Variants in GSK3B observed in about 807,000 individuals in gnomAD.
The protein encoded by GSK3B is glycogen synthase kinase-3 beta.
A neutral mutation model predicts 56.4 loss-of-function variants in GSK3B; 15 were observed. The ratio of observed to expected loss-of-function variants is 0.27; its 90% CI spans 0.18 to 0.41. The LOEUF is 0.41. GSK3B is among the 10% of genes least tolerant of loss of function. GSK3B has a pLI of 1.00. For synonymous variants in GSK3B, 181 were observed against 188.9 expected, an observed-to-expected ratio of 0.96 and a Z score of 0.34; for missense variants, 300 against 513.4, an observed-to-expected ratio of 0.58 and a Z score of 4.02.
At chr3:119,884,185 C>A (rs1001709644) in intron 7 of GSK3B, among the ~76,000 whole-genome samples, 1 of 152,134 alleles carries the variant, frequency 6.6e-6, no homozygotes, top group Non-Finnish European at 1.5e-5. Context: ...ACCATGGGGG[C>A]AAAGGAAGGC....
chr3:119,939,270 A>G (rs144374997), intron 3 of GSK3B, among the ~76,000 whole-genome samples: 3 of 152,306 alleles, frequency 2.0e-5, no homozygotes, highest in African/African-American at 7.2e-5. Flanking sequence ...GGGCAAGGCT[A>G]GAACATAGAT....
At chr3:120,032,114 A>AT in intron 1 of GSK3B, among the ~76,000 whole-genome samples, 1 of 152,294 alleles carries the variant, frequency 6.6e-6, no homozygotes, top group East Asian at 1.9e-4. Context: ...CTCAATAATG[A>AT]TTTTTATAAG....
intron 1 of GSK3B, among the ~76,000 whole-genome samples, chr3:120,092,804 A>G (rs1344219412): frequency 6.6e-6 from 1 of 152,252 alleles, no homozygotes; most frequent in Non-Finnish European, 1.5e-5. Flanking sequence ...GAGGAAGTTC[A>G]TCCACAGATT....
intron 1 of GSK3B, among the ~76,000 whole-genome samples, chr3:120,046,602 T>G (rs1447784281): frequency 6.6e-6 from 1 of 152,162 alleles, no homozygotes; most frequent in Non-Finnish European, 1.5e-5. Context: ...AATTTTAATT[T>G]AATTTTATTT....
chr3:120,089,099 C>T (rs1025806407), intron 1 of GSK3B, among the ~76,000 whole-genome samples: 7 of 152,284 alleles, frequency 4.6e-5, no homozygotes, highest in Admixed American at 3.3e-4. Flanking sequence ...CACAGTAAAG[C>T]GTGCAAGTAC....
At chr3:119,947,625 G>A (rs2057112950) in intron 2 of GSK3B, among the ~76,000 whole-genome samples, 1 of 151,954 alleles carries the variant, frequency 6.6e-6, no homozygotes. Flanking sequence ...TAAGAATATG[G>A]TAATAAGAAT....
intron 8 of GSK3B, among the ~76,000 whole-genome samples, chr3:119,871,221 G>A (rs1310173480): frequency 6.6e-6 from 1 of 152,174 alleles, no homozygotes; most frequent in Admixed American, 6.5e-5. Context: ...GAAATGACCT[G>A]AGAATTCAAT....
In GSK3B at chr3:119,997,955, T is replaced by G. The variant is rs149018603; in HGVS notation, c.282+4091A>C. 7.6e-3 allele frequency among the ~76,000 whole-genome samples: 1,158 copies of G among 152,046 alleles called. 5 individuals are homozygous for G. The highest frequency in any genetic ancestry group is 0.012 in the Non-Finnish European group (838 of 67,964). The stretch of plus-strand genomic sequence containing the variant: ...ATCCCAAAATATAACCCCAGAAAAA[T>G]TAAAGAAATATGTGAAAATAAAATT... On this transcript the variant is annotated intron_variant, in intron 2 of 10. Coordinates refer to ENST00000264235, the MANE Select transcript of GSK3B (RefSeq NM_001146156.2).
chr3:120,032,423 C>T (rs1008305731), intron 1 of GSK3B, among the ~76,000 whole-genome samples: 3 of 151,482 alleles, frequency 2.0e-5, no homozygotes, highest in Non-Finnish European at 4.4e-5. Flanking sequence ...TGCAGTGAGC[C>T]GAGATTGTGC....
chr3:120,063,677 G>A lies in GSK3B; in HGVS notation c.88+29670C>T, dbSNP rs575247492. Among the ~76,000 whole-genome samples the A allele has an allele frequency of 3.3e-4, 49 of 147,542 alleles. 1 individual carries two copies. Among genetic ancestry groups the A allele is most frequent in the Non-Finnish European group, 4.0e-4 (27 of 67,544 alleles). On this transcript the variant is annotated intron_variant, in intron 1 of 10. Coordinates refer to ENST00000264235, the MANE Select transcript of GSK3B (RefSeq NM_001146156.2). The stretch of plus-strand genomic sequence containing the variant: ...CAGGAGGCAGAGGTTGCAGTGAGCC[G>A]AGATCGTGCCATTACACTGCAGCCT...
At chr3:119,978,599 T>A (rs2057430906) in intron 2 of GSK3B, among the ~76,000 whole-genome samples, 1 of 152,202 alleles carries the variant, frequency 6.6e-6, no homozygotes, top group Non-Finnish European at 1.5e-5. Flanking sequence ...TTGAGTTAAT[T>A]CCTGGATCCT....
intron 1 of GSK3B, among the ~76,000 whole-genome samples, chr3:120,009,307 C>T (rs904839379): frequency 3.3e-5 from 5 of 152,082 alleles, no homozygotes; most frequent in Admixed American, 2.0e-4. Context: ...CTAGAAATAC[C>T]GTTTGACCCA....
intron 3 of GSK3B, among the ~76,000 whole-genome samples, chr3:119,928,604 CAAAAAAATAAAAAAAAAAAA>C (rs961018315): frequency 5.6e-4 from 16 of 28,640 alleles, no homozygotes; most frequent in Admixed American, 1.6e-3. Context: ...GACTCCATAT[CAAAAAAATAAAAAAAAAAAA>C]AAAAAAAAAA....
At chr3:119,865,476 T>A (rs1264381250) in intron 8 of GSK3B, among the ~76,000 whole-genome samples, 42 of 99,490 alleles carry the variant, frequency 4.2e-4, no homozygotes, top group Non-Finnish European at 5.0e-4. Flanking sequence ...ATTTTTTTTT[T>A]TTTTTTTTTT....
chr3:119,967,836 C>T (rs928986360), intron 2 of GSK3B, among the ~76,000 whole-genome samples: 4 of 37,862 alleles, frequency 1.1e-4, no homozygotes, highest in African/African-American at 7.3e-4. Flanking sequence ...CTTTCTCTTT[C>T]TCTCTCTCTC....
At chr3:119,937,934 G>T (rs2107481862) in intron 3 of GSK3B, among the ~76,000 whole-genome samples, 1 of 150,624 alleles carries the variant, frequency 6.6e-6, no homozygotes, top group African/African-American at 2.5e-5. Context: ...AATGAAAGTG[G>T]GGCCATTACT....
intron 9 of GSK3B, among the ~76,000 whole-genome samples, chr3:119,848,564 A>AAC (rs2055887113): frequency 6.6e-6 from 1 of 152,148 alleles, no homozygotes; most frequent in African/African-American, 2.4e-5. Flanking sequence ...CCCAAAGGGA[A>AAC]ACACCAAACT....
At chr3:120,077,746 T>A (rs1013011025) in intron 1 of GSK3B, among the ~76,000 whole-genome samples, 11 of 152,140 alleles carry the variant, frequency 7.2e-5, no homozygotes, top group Non-Finnish European at 1.5e-4. Context: ...CATATTAACA[T>A]CATGTTGTAT....
intron 1 of GSK3B, chr3:120,084,556 A>G (rs1240744970): frequency 3.3e-5 from 5 of 152,236 alleles, no homozygotes; most frequent in Non-Finnish European, 7.3e-5. Flanking sequence ...ATTTAGGAGC[A>G]GAATGAAACC....
Sources: gnomAD v4.1 joint callset for allele counts (sites outside exome capture counted in the v4.1 genomes callset) on GRCh38, gnomAD v4.1.1 for gene constraint, MANE v1.5 for transcripts, NCBI Gene and HGNC (gene_info 2026-07-23, HGNC 2026-07-21) for gene names.